The following TBCE variants were observed in gnomAD, a reference collection of about 807,000 sequenced individuals.
The protein encoded by TBCE is tubulin folding cofactor E, also known as tubulin-specific chaperone E.
In TBCE, 53 loss-of-function variants were observed where a neutral mutation model predicts 77.0. The observed-to-expected ratio is 0.69, with a 90% CI of 0.55 to 0.87. The LOEUF (loss-of-function observed/expected upper bound fraction) is 0.87, where lower values mean the gene tolerates loss of function less well. Ranked by LOEUF, TBCE falls within the 40% of genes least tolerant of loss-of-function variation. The pLI is 0.00. For missense variants in TBCE, 624 were observed against 622.4 expected, an observed-to-expected ratio of 1.00 and a Z score of -0.03; for synonymous variants, 235 against 241.3, an observed-to-expected ratio of 0.97 and a Z score of 0.24.
At chr1:235,397,732 T>TCTG (rs1222433055) in intron 2 of TBCE, among the ~76,000 whole-genome samples, 2 of 152,202 alleles carry the variant, frequency 1.3e-5, no homozygotes, top group African/African-American at 2.4e-5. Context: ...TAGTGTCTGG[T>TCTG]TCAGTCTTCT....
At chr1:235,395,717 G>T (rs1166341010) in intron 2 of TBCE, among the ~76,000 whole-genome samples, 1 of 151,682 alleles carries the variant, frequency 6.6e-6, no homozygotes, top group Non-Finnish European at 1.5e-5. Context: ...GCTAAATTTT[G>T]TATTTTTAAT....
intron 13 of TBCE, among the ~76,000 whole-genome samples, chr1:235,439,237 AT>A (rs1681664215): frequency 6.6e-6 from 1 of 151,444 alleles, no homozygotes; most frequent in South Asian, 2.1e-4. Flanking sequence ...CAGGCCTGTA[AT>A]CCCAGCATTT....
intron 3 of TBCE, among the ~76,000 whole-genome samples, chr1:235,407,340 C>T (rs988798144): frequency 1.1e-4 from 16 of 152,170 alleles, no homozygotes; most frequent in African/African-American, 3.9e-4. Context: ...CTTACCTCGG[C>T]CTCCCAAAGT....
chr1:235,387,072 C>T (rs1270169468), intron 2 of TBCE, among the ~76,000 whole-genome samples: 1 of 152,152 alleles, frequency 6.6e-6, no homozygotes, highest in African/African-American at 2.4e-5. Context: ...CACTCCAGAC[C>T]GTTTGCCTGG....
In TBCE at chr1:235,450,876, CT is replaced by C. The variant is rs1174903234; in HGVS notation, c.*2115del. The C allele has an allele frequency of 6.6e-6, 1 of 152,568 alleles. No individual in the cohort carries two copies. Among genetic ancestry groups the C allele is most frequent in the Admixed American group, 6.5e-5 (1 of 15,326 alleles). The allele number at this position is 152,568 out of a possible 1,614,324, so 9.5% of individuals were successfully genotyped here. A position where few individuals can be genotyped will look rare whatever the true frequency, so the allele number is the denominator to read the frequency against. On this transcript the variant is annotated 3_prime_UTR_variant, in exon 17 of 17. Transcript: ENST00000642610. ...AGAGGAGGGATTAAAGACTCCCAAG[CT>C]CAAGTTCTTAACCACTAGACTATTT...
intron 2 of TBCE, among the ~76,000 whole-genome samples, chr1:235,383,745 A>G (rs1272543559): frequency 6.6e-6 from 1 of 152,190 alleles, no homozygotes; most frequent in Non-Finnish European, 1.5e-5. Context: ...CTAGATATAC[A>G]ATCATGTCAT....
intron 3 of TBCE, among the ~76,000 whole-genome samples, chr1:235,407,588 G>C (rs1004156067): frequency 9.2e-5 from 14 of 152,144 alleles, no homozygotes; most frequent in African/African-American, 3.4e-4. Context: ...AGTCTCAGCA[G>C]CTGGGCTTGT....
chr1:235,395,535 A>C (rs1243047570), intron 2 of TBCE, among the ~76,000 whole-genome samples: 11 of 130,400 alleles, frequency 8.4e-5, no homozygotes, highest in African/African-American at 8.7e-5. Flanking sequence ...CCATCATTCT[A>C]CTTCTTCTTC....
At chr1:235,408,722 C>T (rs60863389) in intron 3 of TBCE, among the ~76,000 whole-genome samples, 12,179 of 152,200 alleles carry the variant, frequency 0.08, 1,297 homozygotes, top group East Asian at 0.5. Flanking sequence ...GAACACTGCA[C>T]GAAAGCTGAG....
At chr1:235,371,735 C>T (rs1156720758) in intron 1 of TBCE, among the ~76,000 whole-genome samples, 9 of 151,776 alleles carry the variant, frequency 5.9e-5, no homozygotes, top group South Asian at 4.2e-4. Flanking sequence ...TGCAATGGCA[C>T]GATCTCGGCT....
chr1:235,373,123 GAGTT>G (rs1677075286), intron 1 of TBCE, among the ~76,000 whole-genome samples: 1 of 151,782 alleles, frequency 6.6e-6, no homozygotes, highest in Admixed American at 6.6e-5. Context: ...TTGAGCCCAG[GAGTT>G]AAAGACCAGC....
chr1:235,431,190 A>C (rs1473022185), intron 7 of TBCE, among the ~76,000 whole-genome samples: 1 of 152,138 alleles, frequency 6.6e-6, no homozygotes, highest in Non-Finnish European at 1.5e-5. Context: ...AAAGGTTCTC[A>C]CATACTTTTC....
chr1:235,414,952 A>G (rs533937451), intron 4 of TBCE: 9 of 349,900 alleles, frequency 2.6e-5, no homozygotes, highest in South Asian at 2.1e-4. Flanking sequence ...TAAGTTGGGA[A>G]TGGAAACAGC....
At chr1:235,426,458 A>G (rs1403054253) in intron 5 of TBCE, among the ~76,000 whole-genome samples, 1 of 152,126 alleles carries the variant, frequency 6.6e-6, no homozygotes, top group Non-Finnish European at 1.5e-5. Flanking sequence ...TGCCCCATAG[A>G]AGGTCATGTG....
chr1:235,415,360 G>A (rs1680051897), intron 4 of TBCE: 2 of 152,252 alleles, frequency 1.3e-5, no homozygotes, highest in South Asian at 2.1e-4. Context: ...TTTGTACAAG[G>A]AGGCTTTCTA....
intron 1 of TBCE, among the ~76,000 whole-genome samples, chr1:235,367,904 CTGTT>C (rs1403086792): frequency 3.9e-5 from 6 of 152,072 alleles, no homozygotes; most frequent in Admixed American, 3.3e-4. Flanking sequence ...CTTAAAGTAA[CTGTT>C]TGTTCTTTTG....
intron 3 of TBCE, among the ~76,000 whole-genome samples, chr1:235,409,607 A>G (rs1486274126): frequency 6.6e-6 from 1 of 151,788 alleles, no homozygotes; most frequent in Non-Finnish European, 1.5e-5. Context: ...TTTTGCAACT[A>G]CCTAACAACA....
chr1:235,427,222 G>A lies in TBCE; in HGVS notation c.543G>A (p.Leu181=). ...ACATTGCTGATCAGCTCAGACACCT[G>A]GAAGTCCTTAATGTCAGGTATGAAC... ...VIHIADQLRH[L]EVLNVSENKL... is the part of the protein sequence containing the mutation. Residue 181 remains leucine (L), a synonymous_variant, in exon 6 of 17, where the codon CTG becomes CTA. Coordinates refer to ENST00000642610, the MANE Select transcript of TBCE (RefSeq NM_003193.5). 1 of 1,613,228 alleles carries A rather than the reference G, an allele frequency of 6.2e-7. No homozygotes were observed. Among genetic ancestry groups the A allele is most frequent in the Non-Finnish European group, 8.5e-7 (1 of 1,179,338 alleles).
chr1:235,401,723 C>A, intron 3 of TBCE, 136 bp downstream of exon 3: 1 of 782,294 alleles, frequency 1.3e-6, no homozygotes, highest in Non-Finnish European at 2.1e-6. Context: ...TCCAAAAAGG[C>A]AGTTATTTTA....
Sources: allele counts gnomAD v4.1 joint callset (sites outside exome capture counted in the v4.1 genomes callset), GRCh38; gene constraint gnomAD v4.1.1; transcripts MANE v1.5; gene names NCBI Gene and HGNC (gene_info 2026-07-23, HGNC 2026-07-21).